Variants in SGK2 observed in about 807,000 individuals in gnomAD.
The protein encoded by SGK2 is serine/threonine-protein kinase Sgk2.
A neutral mutation model predicts 47.5 loss-of-function variants in SGK2; 36 were observed. The observed-to-expected ratio is 0.76, with a 90% CI of 0.58 to 1.00. The LOEUF (loss-of-function observed/expected upper bound fraction) is 1.00, where lower values mean the gene tolerates loss of function less well. SGK2 is among the 50% of genes least tolerant of loss of function. The pLI is 0.00. For synonymous variants in SGK2, 157 were observed against 181.9 expected, an observed-to-expected ratio of 0.86 and a Z score of 1.10; for missense variants, 404 against 467.4, an observed-to-expected ratio of 0.86 and a Z score of 1.25.
At chr20:43,561,252 A>G (rs921193744) in intron 1 of SGK2, among the ~76,000 whole-genome samples, 2 of 152,202 alleles carry the variant, frequency 1.3e-5, no homozygotes, top group Admixed American at 1.3e-4. Context: ...GAGAGCACTT[A>G]GTGTGTCTGA....
intron 1 of SGK2, among the ~76,000 whole-genome samples, chr20:43,561,344 G>C (rs1370904468): frequency 6.6e-6 from 1 of 151,432 alleles, no homozygotes; most frequent in Non-Finnish European, 1.5e-5. Flanking sequence ...GAGACAGCAA[G>C]CTAGGTCATA....
At chr20:43,559,507 T>G (rs1264525155) in intron 1 of SGK2, among the ~76,000 whole-genome samples, 1 of 152,240 alleles carries the variant, frequency 6.6e-6, no homozygotes, top group Non-Finnish European at 1.5e-5. Context: ...ATGTCATTTA[T>G]TAACTGTCTT....
Position 43,571,206 on chromosome 20 carries a change from GT to G in SGK2, c.510+147del, listed in dbSNP as rs113689638. On this transcript the variant is annotated intron_variant, in intron 8 of 12. Transcript: ENST00000373100. ...GTAGAGGAGGCATTTGAGCATATGT[GT>G]GTGTGCCCATGCACATGTACACACA... 1.7e-3 allele frequency: 2,263 copies of G among 1,308,074 alleles called. 46 individuals are homozygous for G. The African/African-American group carries it at 0.029, about 17-fold the overall frequency. 81.0% of individuals were successfully genotyped at this position (1,308,074 alleles called of 1,614,324 possible).
At chr20:43,561,907 A>G (rs935749647) in intron 1 of SGK2, among the ~76,000 whole-genome samples, 3 of 152,152 alleles carry the variant, frequency 2.0e-5, no homozygotes, top group Non-Finnish European at 4.4e-5. Flanking sequence ...AATGATGGTG[A>G]GCAGCAATGG....
chr20:43,574,837 A>C, intron 9 of SGK2, 72 bp from the exon 10 acceptor site: 1 of 1,100,420 alleles, frequency 9.1e-7, no homozygotes, highest in Non-Finnish European at 1.4e-6. Flanking sequence ...TCTTCCTCCA[A>C]GTGCCTTATT....
chr20:43,579,276 A>G (rs1980651207), intron 11 of SGK2, among the ~76,000 whole-genome samples: 1 of 152,190 alleles, frequency 6.6e-6, no homozygotes, highest in Non-Finnish European at 1.5e-5. Flanking sequence ...TTGACCTCCC[A>G]AAGTGCTGGC....
At chr20:43,562,704 C>T (rs150040823) in intron 1 of SGK2, among the ~76,000 whole-genome samples, 1 of 152,200 alleles carries the variant, frequency 6.6e-6, no homozygotes, top group East Asian at 1.9e-4. Flanking sequence ...TGTGCCATTG[C>T]ACTCCAGCCT....
intron 12 of SGK2, chr20:43,583,257 C>T (rs1281388003): frequency 7.8e-7 from 1 of 1,289,750 alleles, no homozygotes. Flanking sequence ...TAATGTCGAA[C>T]TTATACCCTG....
intron 1 of SGK2, chr20:43,566,201 A>T: frequency 1.3e-6 from 1 of 791,618 alleles, no homozygotes; most frequent in Non-Finnish European, 2.0e-6. Flanking sequence ...GGGTGTCCCC[A>T]GTTCTTGAAA....
rs1046978915 is a variant in SGK2 at position 43,560,332 on chromosome 20, C to T, written c.-24+1173C>T. On this transcript the variant is annotated intron_variant, in intron 1 of 12. Coordinates refer to ENST00000373100, the MANE Select transcript of SGK2 (RefSeq NM_170693.3). ...TAGCCAACATGGTGGAACCTCGTCT[C>T]GACTAAAAATACAAAAATTAGCCGA... is the stretch of plus-strand genomic sequence containing the variant. Among the ~76,000 whole-genome samples, 6 of 151,960 alleles carry T rather than the reference C, an allele frequency of 3.9e-5. No homozygotes were observed. In the East Asian group the frequency reaches 9.6e-4, roughly 24 times the overall value.
At chr20:43,579,613 C>T (rs374834184) in intron 11 of SGK2, among the ~76,000 whole-genome samples, 6 of 152,146 alleles carry the variant, frequency 3.9e-5, no homozygotes, top group African/African-American at 1.4e-4. Context: ...TGTACTGAAG[C>T]AGAGTGAGGG....
chr20:43,582,919 C>T (rs907245815), intron 12 of SGK2, among the ~76,000 whole-genome samples: 1 of 152,158 alleles, frequency 6.6e-6, no homozygotes, highest in African/African-American at 2.4e-5. Context: ...TGGTCTTGAA[C>T]TCCTGACCTC....
Position 43,572,187 on chromosome 20 carries a change from C to T in SGK2, c.597+50C>T. ...GGGAGGTCATGAGTGGGTGAGGCCA[C>T]AGCTCCTGATTAGAGCCAACAGGTT... On this transcript the variant is annotated intron_variant, in intron 9 of 12. Transcript: ENST00000373100. This position sits in a 1 kb window ranked among gnomAD's most constrained non-coding sequence, Gnocchi z 4.2. 7.3e-7 allele frequency: 1 copy of T among 1,374,508 alleles called. No individual in the cohort carries two copies. Among genetic ancestry groups the T allele is most frequent in the Non-Finnish European group, 1.0e-6 (1 of 987,348 alleles). The allele number at this position is 1,374,508 out of a possible 1,614,324, so 85.1% of individuals were successfully genotyped here.
chr20:43,577,591 C>T (rs1355992199), intron 11 of SGK2, among the ~76,000 whole-genome samples: 4 of 150,256 alleles, frequency 2.7e-5, no homozygotes, highest in African/African-American at 4.9e-5. Flanking sequence ...CCTTGTGATC[C>T]GCCCACCTTG....
chr20:43,576,401 C>G (rs779641962), intron 11 of SGK2, 22 bp downstream of exon 11: 1 of 1,609,284 alleles, frequency 6.2e-7, no homozygotes, highest in Non-Finnish European at 8.5e-7. Flanking sequence ...ACCAGTGGAG[C>G]ACTGGCCCCC....
chr20:43,559,977 G>GA (rs371884271), intron 1 of SGK2, among the ~76,000 whole-genome samples: 1 of 152,064 alleles, frequency 6.6e-6, no homozygotes, highest in African/African-American at 2.4e-5. Flanking sequence ...AGAGTTAGGA[G>GA]AATATATTGA....
At chr20:43,569,637 T>TTG in intron 6 of SGK2, 121 bp downstream of exon 6, 1 of 1,190,514 alleles carries the variant, frequency 8.4e-7, no homozygotes. Flanking sequence ...TAGACCCATT[T>TTG]TGTAGCTAAA....
chr20:43,570,831 G>C, intron 7 of SGK2, 102 bp downstream of exon 7: 1 of 1,278,878 alleles, frequency 7.8e-7, no homozygotes, highest in Non-Finnish European at 1.1e-6. Context: ...GGTGGACTTG[G>C]TCCTTTGTTT....
chr20:43,565,920 A>T (rs73272174), intron 1 of SGK2: 3,734 of 166,674 alleles, frequency 0.022, 156 homozygotes, highest in African/African-American at 0.083. Flanking sequence ...CATTGGGCAG[A>T]ATTCCTTGTG....
Sources: allele counts gnomAD v4.1 joint callset (sites outside exome capture counted in the v4.1 genomes callset), GRCh38; gene constraint gnomAD v4.1.1; non-coding constraint Gnocchi (gnomAD v3.1); transcripts MANE v1.5; gene names NCBI Gene and HGNC (gene_info 2026-07-23, HGNC 2026-07-21).